OIT3: variants seen among roughly 807,000 people sequenced by gnomAD.
The protein encoded by OIT3 is oncoprotein induced transcript 3.
OIT3 carries 41 observed loss-of-function variants against 52.2 expected under a neutral mutation model. The ratio of observed to expected loss-of-function variants is 0.79; its 90% CI spans 0.61 to 1.02. OIT3 has a LOEUF of 1.02. Ranked by LOEUF, OIT3 falls within the 50% of genes least tolerant of loss-of-function variation. The pLI, the probability that OIT3 is intolerant of heterozygous loss-of-function variation, is 0.00. For synonymous variants in OIT3, 244 were observed against 276.9 expected (o/e 0.88, Z 1.18); for missense variants, 634 against 715.5 (o/e 0.89, Z 1.30).
chr10:72,905,758 G>C (rs1845973529), intron 3 of OIT3, among the ~76,000 whole-genome samples: 1 of 152,104 alleles, frequency 6.6e-6, no homozygotes, highest in Non-Finnish European at 1.5e-5. Flanking sequence ...TTTCCTTATT[G>C]CTTCCCTGGG....
In OIT3 at chr10:72,900,792, A is replaced by G. The variant is rs147772401; in HGVS notation, c.544+308A>G. On this transcript the variant is annotated intron_variant, in intron 3 of 8. Coordinates refer to ENST00000334011, the MANE Select transcript of OIT3 (RefSeq NM_152635.3). ...AATTTTAAAAGTGATGTTTGGCTACACACGGTGGCTCGCACCTGTAATCCC... is the reference window on the plus strand; with the variant it reads ...AATTTTAAAAGTGATGTTTGGCTACGCACGGTGGCTCGCACCTGTAATCCC... 6.5e-3 allele frequency among the ~76,000 whole-genome samples: 990 copies of G among 152,280 alleles called. 15 individuals are homozygous for G. The highest frequency in any genetic ancestry group is 0.022 in the African/African-American group (935 of 41,560).
chr10:72,894,822 A>C (rs1304076196), intron 1 of OIT3, among the ~76,000 whole-genome samples: 1 of 152,138 alleles, frequency 6.6e-6, no homozygotes, highest in Non-Finnish European at 1.5e-5. Flanking sequence ...CGGGATGTGG[A>C]GGTTGCAGTG....
chr10:72,930,044 T>C (rs1197282832), intron 7 of OIT3, among the ~76,000 whole-genome samples: 3 of 152,260 alleles, frequency 2.0e-5, no homozygotes, highest in African/African-American at 7.2e-5. Flanking sequence ...TGGATATTTA[T>C]GTCACTTTGA....
At chr10:72,926,965 G>GAACA (rs1385995614) in intron 7 of OIT3, among the ~76,000 whole-genome samples, 1 of 151,966 alleles carries the variant, frequency 6.6e-6, no homozygotes, top group African/African-American at 2.4e-5. Context: ...TCAAGATAAT[G>GAACA]AACATTTTTC....
At chr10:72,913,542 C>T (rs1846049216) in intron 6 of OIT3, 74 bp downstream of exon 6, 2 of 1,187,250 alleles carry the variant, frequency 1.7e-6, no homozygotes, top group Non-Finnish European at 2.5e-6. Context: ...CAGAGGTATG[C>T]CATGTGGCTT....
In OIT3 at chr10:72,924,615, G is replaced by A; in HGVS notation, c.1338G>A (p.Glu446=). ...CFATPTSKID[E]VLKYYLIRDG... ...CCACCCCCACCTCCAAGATCGACGA[G>A]GTCCTGAAATACTACCTCATCCGGG... Residue 446 remains glutamate (E), a synonymous_variant, in exon 7 of 9, where the codon GAG becomes GAA. Transcript: ENST00000334011. 6.2e-7 allele frequency: 1 copy of A among 1,612,998 alleles called. No homozygotes were observed. Among genetic ancestry groups the A allele is most frequent in the Non-Finnish European group, 8.5e-7 (1 of 1,179,322 alleles).
intron 6 of OIT3, among the ~76,000 whole-genome samples, chr10:72,920,097 G>A (rs1276365493): frequency 6.6e-6 from 1 of 152,054 alleles, no homozygotes; most frequent in African/African-American, 2.4e-5. Flanking sequence ...TTTGGTTGTA[G>A]GCTATTACTG....
At chr10:72,896,761 C>T (rs1448824727) in intron 1 of OIT3, among the ~76,000 whole-genome samples, 1 of 152,166 alleles carries the variant, frequency 6.6e-6, no homozygotes, top group Non-Finnish European at 1.5e-5. Flanking sequence ...ATTCCCTGCC[C>T]ACAAAATGTA....
chr10:72,925,913 C>G lies in OIT3; in HGVS notation c.1367+1269C>G, dbSNP rs145944961. ...TGAGACACCATGTTTGGCCCCTGCACTTGTTTTATACAAAAGAGAGTTCCA... is the reference window on the plus strand; with the variant it reads ...TGAGACACCATGTTTGGCCCCTGCAGTTGTTTTATACAAAAGAGAGTTCCA... On this transcript the variant is annotated intron_variant, in intron 7 of 8. Coordinates refer to ENST00000334011, the MANE Select transcript of OIT3 (RefSeq NM_152635.3). Among the ~76,000 whole-genome samples the G allele has an allele frequency of 2.3e-4, 35 of 152,364 alleles. No homozygotes were observed. The East Asian group carries it at 6.4e-3, about 28-fold the overall frequency.
rs1320502176 is a variant in OIT3, at chr10:72,893,789, G to T, written c.-10G>T. On this transcript the variant is annotated 5_prime_UTR_variant, in exon 1 of 9. Coordinates refer to ENST00000334011, the MANE Select transcript of OIT3 (RefSeq NM_152635.3). ...GATTTTCCAGTGTTTCTGGCAGTTG[G>T]TCCAGAAGGATGCCTCCATTCCTGC... 2 of 1,607,328 alleles carry T rather than the reference G, an allele frequency of 1.2e-6. No homozygotes were observed. The highest frequency in any genetic ancestry group is 1.7e-6 in the Non-Finnish European group (2 of 1,176,812).
intron 8 of OIT3, among the ~76,000 whole-genome samples, chr10:72,931,479 C>G (rs1846215847): frequency 6.6e-6 from 1 of 151,980 alleles, no homozygotes; most frequent in Non-Finnish European, 1.5e-5. Flanking sequence ...AGAGTGAGAC[C>G]CTGTCTCTAA....
intron 3 of OIT3, among the ~76,000 whole-genome samples, chr10:72,902,402 T>G (rs544199107): frequency 1.3e-5 from 2 of 152,290 alleles, no homozygotes; most frequent in African/African-American, 4.8e-5. Flanking sequence ...ACTGTCCAGC[T>G]CTCAGTCACC....
chr10:72,913,196 C>T, intron 5 of OIT3, 112 bp from the exon 6 acceptor site: 3 of 776,990 alleles, frequency 3.9e-6, no homozygotes, highest in South Asian at 3.1e-5. Context: ...CTCTGATTTC[C>T]TTGGGGATGG....
chr10:72,903,006 G>C (rs1465929693), intron 3 of OIT3, among the ~76,000 whole-genome samples: 2 of 152,008 alleles, frequency 1.3e-5, no homozygotes, highest in Non-Finnish European at 2.9e-5. Context: ...TTCCTATGTG[G>C]GGTCTGTGGG....
At chr10:72,909,817 C>T (rs1846014543) in intron 4 of OIT3, among the ~76,000 whole-genome samples, 1 of 152,040 alleles carries the variant, frequency 6.6e-6, no homozygotes, top group Admixed American at 6.5e-5. Context: ...CCAGGATGGT[C>T]TCGATCTCCT....
chr10:72,917,700 T>G (rs960771997), intron 6 of OIT3: 2 of 956,314 alleles, frequency 2.1e-6, no homozygotes, highest in African/African-American at 3.2e-5. Flanking sequence ...CCGGAAGCAA[T>G]TCTTCACATA....
At chr10:72,906,751 A>G in intron 4 of OIT3, 33 bp downstream of exon 4, 2 of 1,521,638 alleles carry the variant, frequency 1.3e-6, no homozygotes, top group Non-Finnish European at 8.8e-7. Flanking sequence ...CCAAATCAAG[A>G]GCCCAGAGGA....
At chr10:72,928,527 C>T (rs1404877802) in intron 7 of OIT3, among the ~76,000 whole-genome samples, 1 of 152,084 alleles carries the variant, frequency 6.6e-6, no homozygotes. Flanking sequence ...ATTGAAAATG[C>T]TCAGGTATTT....
chr10:72,929,063 C>T (rs1182489322), intron 7 of OIT3, among the ~76,000 whole-genome samples: 3 of 151,648 alleles, frequency 2.0e-5, no homozygotes, highest in Non-Finnish European at 4.4e-5. Context: ...GAAAATTAGC[C>T]GGGCATGGTG....
Sources: allele counts gnomAD v4.1 joint callset (sites outside exome capture counted in the v4.1 genomes callset), GRCh38; gene constraint gnomAD v4.1.1; transcripts MANE v1.5; gene names NCBI Gene and HGNC (gene_info 2026-07-23, HGNC 2026-07-21).